Variants in ANKHD1 observed in about 807,000 individuals in gnomAD.
ANKHD1 encodes ankyrin repeat and KH domain containing 1.
Under a neutral mutation model 230.5 loss-of-function variants are expected in ANKHD1, and 31 were observed. The observed-to-expected ratio is 0.13, with a 90% confidence interval of 0.10 to 0.18. The LOEUF is 0.18. ANKHD1 is among the 10% of genes least tolerant of loss of function. The pLI, the probability that ANKHD1 is intolerant of heterozygous loss-of-function variation, is 1.00. For missense variants in ANKHD1, 2,256 were observed against 3,071.3 expected (o/e 0.73, Z 6.27); for synonymous variants, 1,074 against 1,117.6 (o/e 0.96, Z 0.78).
chr5:140,490,928 AC>A (rs1431933751), intron 14 of ANKHD1, among the ~76,000 whole-genome samples: 1 of 151,450 alleles, frequency 6.6e-6, no homozygotes, highest in Non-Finnish European at 1.5e-5. Flanking sequence ...GTGCTTTATC[AC>A]CATAACTTCT....
intron 15 of ANKHD1, among the ~76,000 whole-genome samples, chr5:140,500,901 G>A (rs1752270282): frequency 6.6e-6 from 1 of 151,686 alleles, no homozygotes; most frequent in South Asian, 2.1e-4. Context: ...TACAGTTTTT[G>A]ACTTTTTACT....
At chr5:140,476,626 A>T (rs1345163135) in intron 10 of ANKHD1, among the ~76,000 whole-genome samples, 2 of 152,140 alleles carry the variant, frequency 1.3e-5, no homozygotes, top group Admixed American at 6.5e-5. Context: ...AAAAATAAAC[A>T]TATTTTCAAA....
In ANKHD1 at chr5:140,539,590, CT is replaced by C. The variant is rs1452859195; in HGVS notation, c.*173del. On this transcript the variant is annotated 3_prime_UTR_variant, in exon 34 of 34. Coordinates refer to ENST00000360839, the MANE Select transcript of ANKHD1 (RefSeq NM_017747.3). ...TTTCCTATCCACCTGATTATGTTCT[CT>C]GGTTAGTTTAGCCATTTTGAACTTA... is the stretch of plus-strand genomic sequence containing the variant. The C allele has an allele frequency of 2.7e-6, 2 of 734,402 alleles. No homozygotes were observed. Among genetic ancestry groups the C allele is most frequent in the Non-Finnish European group, 4.2e-6 (2 of 473,470 alleles). The allele number at this position is 734,402 out of a possible 1,614,324, so 45.5% of individuals were successfully genotyped here. A position where few individuals can be genotyped will look rare whatever the true frequency, so the allele number is the denominator to read the frequency against.
intron 9 of ANKHD1, 79 bp downstream of exon 9, chr5:140,459,434 A>C: frequency 7.0e-7 from 1 of 1,419,178 alleles, no homozygotes. Context: ...AAAAACGTTG[A>C]GCTCCTAGTA....
intron 15 of ANKHD1, among the ~76,000 whole-genome samples, chr5:140,502,570 T>C (rs182316869): frequency 1.4e-4 from 22 of 152,250 alleles, no homozygotes; most frequent in Non-Finnish European, 2.6e-4. Context: ...GATAGAAAAG[T>C]AGTTCTTTAC....
At position 140,482,295 on chromosome 5, in the gene ANKHD1, A is replaced by G. The variant is rs945838556; in HGVS notation, c.1783-285A>G. On this transcript the variant is annotated intron_variant, in intron 10 of 33. Coordinates refer to ENST00000360839, the MANE Select transcript of ANKHD1 (RefSeq NM_017747.3). ...TGGGAAACATTTTTTAAAACTTAGA[A>G]TTAGAAAAATGCAGTGATTTCTCTT... 2.0e-5 allele frequency among the ~76,000 whole-genome samples: 3 copies of G among 152,160 alleles called. No individual in the cohort carries two copies. The East Asian group carries it at 5.8e-4, about 29-fold the overall frequency.
At chr5:140,511,541 T>G (rs542520158) in intron 22 of ANKHD1, among the ~76,000 whole-genome samples, 1 of 152,348 alleles carries the variant, frequency 6.6e-6, no homozygotes, top group East Asian at 1.9e-4. Context: ...TTGATTTTCC[T>G]TACCCCAATT....
At chr5:140,468,284 C>CA (rs1292332586) in intron 10 of ANKHD1, among the ~76,000 whole-genome samples, 3 of 149,786 alleles carry the variant, frequency 2.0e-5, no homozygotes, top group Non-Finnish European at 3.0e-5. Flanking sequence ...CAAAAAAAAA[C>CA]AAAAAAACAA....
intron 20 of ANKHD1, 128 bp downstream of exon 20, chr5:140,508,126 G>A (rs949908674): frequency 1.6e-6 from 2 of 1,267,540 alleles, no homozygotes; most frequent in African/African-American, 3.0e-5. Context: ...CAGAGTTGAG[G>A]GATTATGCTG....
At chr5:140,424,292 C>T (rs12717986) in intron 1 of ANKHD1, among the ~76,000 whole-genome samples, 61,244 of 151,660 alleles carry the variant, frequency 0.4, 13,144 homozygotes, top group East Asian at 0.55. Flanking sequence ...TATACACACA[C>T]GCACTCATCT....
intron 10 of ANKHD1, among the ~76,000 whole-genome samples, chr5:140,479,942 T>C (rs1751194616): frequency 6.8e-6 from 1 of 146,944 alleles, no homozygotes; most frequent in Admixed American, 6.8e-5. Context: ...ATGTATATAA[T>C]GGGGATTTTC....
chr5:140,443,646 G>A (rs1020314248), intron 5 of ANKHD1, among the ~76,000 whole-genome samples: 4 of 151,234 alleles, frequency 2.6e-5, no homozygotes, highest in Admixed American at 1.3e-4. Flanking sequence ...AGCCGAGATC[G>A]TGTCGCCTGG....
Position 140,485,401 on chromosome 5 carries a change from C to CAT in ANKHD1, c.1998+154_1998+155insTA, listed in dbSNP as rs1751460874. ...AGGAGACCCCATCTCTATTAAAACA[C>CAT]ACACACACACACACACACACACACA... On this transcript the variant is annotated intron_variant, in intron 12 of 33. Coordinates refer to ENST00000360839, the MANE Select transcript of ANKHD1 (RefSeq NM_017747.3). The surrounding 1 kb of genome is among the most constrained non-coding windows in gnomAD (Gnocchi z 4.8). Among the ~76,000 whole-genome samples the CAT allele has an allele frequency of 6.9e-6, 1 of 145,738 alleles. No homozygotes were observed. Among genetic ancestry groups the CAT allele is most frequent in the Non-Finnish European group, 1.5e-5 (1 of 65,300 alleles).
intron 1 of ANKHD1, among the ~76,000 whole-genome samples, chr5:140,408,959 C>G (rs1770705031): frequency 6.6e-6 from 1 of 152,114 alleles, no homozygotes; most frequent in Non-Finnish European, 1.5e-5. Flanking sequence ...ACAGAGAATT[C>G]TTTGTTGTGA....
intron 14 of ANKHD1, among the ~76,000 whole-genome samples, chr5:140,491,139 C>CAA (rs1460352213): frequency 1.8e-5 from 1 of 56,350 alleles, no homozygotes; most frequent in Non-Finnish European, 3.3e-5. Context: ...TATATATACA[C>CAA]ATATATATAT....
At position 140,506,209 on chromosome 5, in the gene ANKHD1, G is replaced by C. The variant is rs899695481; in HGVS notation, c.3408+340G>C. Among the ~76,000 whole-genome samples, 1 of 151,620 alleles carries C rather than the reference G, an allele frequency of 6.6e-6. No homozygotes were observed. The highest frequency in any genetic ancestry group is 2.4e-5 in the African/African-American group (1 of 41,228). On this transcript the variant is annotated intron_variant, in intron 18 of 33. Transcript: ENST00000360839. This position sits in a 1 kb window ranked among gnomAD's most constrained non-coding sequence, Gnocchi z 4.7. ...CCAAAGTACAGGGATTATAGTTATG[G>C]GCCAGCATGCCTGGCCCTGCACGTA...
chr5:140,537,723 G>A (rs1474744101), intron 31 of ANKHD1, 134 bp downstream of exon 31: 38 of 1,355,776 alleles, frequency 2.8e-5, no homozygotes, highest in Admixed American at 2.4e-4. Flanking sequence ...AGGGAAGGGT[G>A]TTTATATCTT....
intron 29 of ANKHD1, chr5:140,531,410 A>T (rs1478047613): frequency 1.0e-5 from 3 of 300,422 alleles, no homozygotes; most frequent in Non-Finnish European, 2.0e-5. Context: ...GTGAAACTCC[A>T]TCTCTACTAA....
chr5:140,476,905 A>C (rs1232579177), intron 10 of ANKHD1, among the ~76,000 whole-genome samples: 4 of 152,174 alleles, frequency 2.6e-5, no homozygotes, highest in African/African-American at 9.7e-5. Flanking sequence ...TTTAAAAGCC[A>C]CGCTAGAGTC....
Sources: allele counts gnomAD v4.1 joint callset (sites outside exome capture counted in the v4.1 genomes callset), GRCh38; gene constraint gnomAD v4.1.1; non-coding constraint Gnocchi (gnomAD v3.1); transcripts MANE v1.5; gene names NCBI Gene and HGNC (gene_info 2026-07-23, HGNC 2026-07-21).